Variants in RRM2B observed in about 807,000 individuals in gnomAD.
RRM2B encodes ribonucleoside-diphosphate reductase subunit M2 B.
Under a neutral mutation model 45.9 loss-of-function variants are expected in RRM2B, and 20 were observed. That is an observed-to-expected ratio of 0.44 (90% confidence interval 0.31 to 0.63). RRM2B has a LOEUF of 0.63. Among genes scored for constraint, RRM2B ranks in the 30% least tolerant of loss-of-function variants. The pLI, the probability that RRM2B is intolerant of heterozygous loss-of-function variation, is 0.09. For synonymous variants in RRM2B, 124 were observed against 132.3 expected (o/e 0.94, Z 0.43); for missense variants, 320 against 414.7 (o/e 0.77, Z 1.98).
At chr8:102,218,395 C>G (rs1449768585) in intron 6 of RRM2B, among the ~76,000 whole-genome samples, 1 of 152,120 alleles carries the variant, frequency 6.6e-6, no homozygotes, top group Non-Finnish European at 1.5e-5. Context: ...CCAGGATACT[C>G]ATGTCACCAC....
intron 6 of RRM2B, among the ~76,000 whole-genome samples, chr8:102,215,615 G>A (rs778219948): frequency 2.0e-5 from 3 of 151,988 alleles, no homozygotes; most frequent in Non-Finnish European, 2.9e-5. Context: ...CGGGCACAGA[G>A]GTCAAGTACC....
intron 2 of RRM2B, among the ~76,000 whole-genome samples, chr8:102,229,207 C>T (rs1344758500): frequency 1.3e-5 from 2 of 152,064 alleles, no homozygotes; most frequent in East Asian, 1.9e-4. Context: ...GAGCCAAGAT[C>T]GTGCCATTGC....
Position 102,206,879 on chromosome 8 carries a change from A to C in RRM2B, c.*1254T>G, listed in dbSNP as rs29000288. The C allele has an allele frequency of 6.6e-6, 1 of 152,250 alleles. No homozygotes were observed. Among genetic ancestry groups the C allele is most frequent in the East Asian group, 1.9e-4 (1 of 5,190 alleles). 9.4% of individuals were successfully genotyped at this position (152,250 alleles called of 1,614,324 possible). A position where few individuals can be genotyped will look rare whatever the true frequency, so the allele number is the denominator to read the frequency against. ...GTTGCATAGTCACATTAAAAGAACT[A>C]TCTCTTATAACAGCTCAAGAGTTTT... On this transcript the variant is annotated 3_prime_UTR_variant, in exon 9 of 9. Transcript: ENST00000251810.
chr8:102,216,228 T>C (rs148535699), intron 6 of RRM2B, among the ~76,000 whole-genome samples: 236 of 152,084 alleles, frequency 1.6e-3, no homozygotes, highest in African/African-American at 5.3e-3. Flanking sequence ...TTGGAAAAAC[T>C]TCCCAAGAGT....
chr8:102,212,396 T>C (rs976642710), intron 8 of RRM2B, among the ~76,000 whole-genome samples: 5 of 152,196 alleles, frequency 3.3e-5, no homozygotes, highest in African/African-American at 1.2e-4. Flanking sequence ...AGTTAATGTC[T>C]TCCTAATAAC....
rs76080625 is a variant in RRM2B at position 102,222,275 on chromosome 8, C to T, written c.550+1771G>A. The stretch of plus-strand genomic sequence containing the variant: ...ATTTGTTGTAGAGATGGGGGCCTTG[C>T]TTTGTTGCCCAGACTGGTCTTCAAC... On this transcript the variant is annotated intron_variant, in intron 5 of 8. Coordinates refer to ENST00000251810, the MANE Select transcript of RRM2B (RefSeq NM_015713.5). 2.8e-3 allele frequency among the ~76,000 whole-genome samples: 430 copies of T among 152,190 alleles called. 4 individuals carry two copies. The highest frequency in any genetic ancestry group is 9.6e-3 in the African/African-American group (398 of 41,534).
intron 8 of RRM2B, among the ~76,000 whole-genome samples, chr8:102,211,742 T>A (rs554513579): frequency 6.6e-6 from 1 of 152,340 alleles, no homozygotes; most frequent in South Asian, 2.1e-4. Flanking sequence ...ATTAATATAG[T>A]TATAATCTTG....
chr8:102,210,858 C>T (rs1026880774), intron 8 of RRM2B, among the ~76,000 whole-genome samples: 4 of 152,126 alleles, frequency 2.6e-5, no homozygotes, highest in South Asian at 4.1e-4. Context: ...CCTTGGCCTC[C>T]GAAGTGCTGG....
At position 102,208,154 on chromosome 8, in the gene RRM2B, G is replaced by A. The variant is rs775157649; in HGVS notation, c.1035C>T (p.Phe345=). 16 of 1,613,292 alleles carry A rather than the reference G, an allele frequency of 9.9e-6. No individual in the cohort carries two copies. The highest frequency in any genetic ancestry group is 1.6e-4 in the Middle Eastern group (1 of 6,076). The change falls in exon 9 of 9, where the codon TTC becomes TTT. Residue 345 remains phenylalanine (F), a synonymous_variant. Transcript: ENST00000251810. ...TTTTTTAAAAATCTGCATCCAAGGT[G>A]AAGACGTTATCTGTGGTTTCTGCCA... is the stretch of plus-strand genomic sequence containing the variant. ...AVMAETTDNV[F]TLDADF
At chr8:102,237,008 G>T (rs1310221416) in intron 1 of RRM2B, among the ~76,000 whole-genome samples, 1 of 150,044 alleles carries the variant, frequency 6.7e-6, no homozygotes, top group African/African-American at 2.5e-5. Context: ...CTGTAAAATA[G>T]CTGTATGTTG....
chr8:102,228,954 A>G (rs1300712413), intron 2 of RRM2B, among the ~76,000 whole-genome samples: 1 of 152,114 alleles, frequency 6.6e-6, no homozygotes, highest in African/African-American at 2.4e-5. Flanking sequence ...CCTTTCTTTT[A>G]TTTACTCTAA....
At chr8:102,213,038 G>A in intron 7 of RRM2B, 149 bp from the exon 8 acceptor site, 1 of 644,400 alleles carries the variant, frequency 1.6e-6, no homozygotes, top group Non-Finnish European at 2.8e-6. Context: ...GGCAAATGAT[G>A]TCCGTATATT....
At position 102,233,559 on chromosome 8, in the gene RRM2B, T is replaced by C. The variant is rs141742296; in HGVS notation, c.49-1255A>G. ...TAGGTACCTTTAGAAAATTTTAATT[T>C]AACATAGGACCACAATACATCAGTG... On this transcript the variant is annotated intron_variant, in intron 1 of 8. Coordinates refer to ENST00000251810, the MANE Select transcript of RRM2B (RefSeq NM_015713.5). Among the ~76,000 whole-genome samples, 5 of 152,308 alleles carry C rather than the reference T, an allele frequency of 3.3e-5. No homozygotes were observed. The East Asian group carries it at 9.6e-4, about 29-fold the overall frequency.
chr8:102,225,369 G>A (rs1810914446), intron 3 of RRM2B, among the ~76,000 whole-genome samples: 1 of 151,622 alleles, frequency 6.6e-6, no homozygotes, highest in African/African-American at 2.4e-5. Context: ...AAATAGCTGG[G>A]GCTACAGGCA....
At chr8:102,208,532 A>C (rs1563658687) in intron 8 of RRM2B, among the ~76,000 whole-genome samples, 1 of 152,196 alleles carries the variant, frequency 6.6e-6, no homozygotes, top group African/African-American at 2.4e-5. Context: ...TAGAAAAAAA[A>C]ACACAACTAT....
intron 8 of RRM2B, among the ~76,000 whole-genome samples, chr8:102,211,794 A>G (rs1362311364): frequency 6.6e-6 from 1 of 152,216 alleles, no homozygotes; most frequent in East Asian, 1.9e-4. Context: ...TCTTGCAACT[A>G]AAATGTTAAA....
intron 5 of RRM2B, among the ~76,000 whole-genome samples, chr8:102,222,078 A>T (rs1810846682): frequency 6.7e-6 from 1 of 149,594 alleles, no homozygotes; most frequent in Non-Finnish European, 1.5e-5. Flanking sequence ...ATTCCTATTT[A>T]AATTTTTTTT....
intron 6 of RRM2B, 118 bp from the exon 7 acceptor site, chr8:102,214,276 T>C (rs1030006602): frequency 5.5e-5 from 40 of 728,744 alleles, no homozygotes; most frequent in Middle Eastern, 2.3e-4. Context: ...TTCTGGAAAA[T>C]GGAAGAGGGG....
chr8:102,218,137 C>G (rs942852817), intron 6 of RRM2B, among the ~76,000 whole-genome samples: 1 of 152,160 alleles, frequency 6.6e-6, no homozygotes, highest in African/African-American at 2.4e-5. Context: ...GGGTTTGGCA[C>G]TTAGGAAAGA....
Sources: allele counts gnomAD v4.1 joint callset (sites outside exome capture counted in the v4.1 genomes callset), GRCh38; gene constraint gnomAD v4.1.1; transcripts MANE v1.5; gene names NCBI Gene and HGNC (gene_info 2026-07-23, HGNC 2026-07-21).